The following PRIM2 variants were observed in gnomAD, a reference collection of about 807,000 sequenced individuals.
The protein encoded by PRIM2 is DNA primase subunit 2.
A neutral mutation model predicts 67.3 loss-of-function variants in PRIM2; 39 were observed. The observed-to-expected ratio is 0.58, with a 90% confidence interval of 0.45 to 0.76. PRIM2 has a LOEUF of 0.76. PRIM2 is among the 30% of genes least tolerant of loss of function. The pLI, the probability that PRIM2 is intolerant of heterozygous loss-of-function variation, is 0.00. For missense variants in PRIM2, 398 were observed against 598.7 expected (o/e 0.66, Z 3.50); for synonymous variants, 143 against 198.7 (o/e 0.72, Z 2.36).
intron 7 of PRIM2, among the ~76,000 whole-genome samples, chr6:57,451,209 C>T (rs34638291): frequency 7.9e-5 from 12 of 152,230 alleles, no homozygotes; most frequent in South Asian, 2.1e-4. Context: ...GGTGTCACCT[C>T]GGCTCAATGC....
At chr6:57,272,954 C>T in the PRIM2 span, among the ~76,000 whole-genome samples, 1 of 152,126 alleles carries the variant, frequency 6.6e-6, no homozygotes, top group Non-Finnish European at 1.5e-5. Flanking sequence ...AAATATTGGC[C>T]CCTACTCTCT....
At chr6:57,558,509 A>G (rs1775562290) in intron 10 of PRIM2, among the ~76,000 whole-genome samples, 2 of 152,116 alleles carry the variant, frequency 1.3e-5, no homozygotes, top group South Asian at 4.2e-4. Context: ...GTTTGGCTAA[A>G]CACATAGAAC....
At chr6:57,270,796 T>C in the PRIM2 span, among the ~76,000 whole-genome samples, 20 of 152,222 alleles carry the variant, frequency 1.3e-4, no homozygotes, top group East Asian at 3.1e-3. Flanking sequence ...TTTTGAGATA[T>C]GTCCCATCAA....
chr6:57,596,787 T>C (rs1156542490), intron 10 of PRIM2, among the ~76,000 whole-genome samples: 1 of 151,742 alleles, frequency 6.6e-6, no homozygotes, highest in Non-Finnish European at 1.5e-5. Flanking sequence ...TTATTATCTT[T>C]TAATGTATCC....
the PRIM2 span, among the ~76,000 whole-genome samples, chr6:57,268,927 T>C: frequency 6.6e-6 from 1 of 151,846 alleles, no homozygotes; most frequent in African/African-American, 2.4e-5. Flanking sequence ...AATGATAATT[T>C]CCAATTTCAT....
chr6:57,277,003 G>A, the PRIM2 span, among the ~76,000 whole-genome samples: 1 of 152,066 alleles, frequency 6.6e-6, no homozygotes. Context: ...AGAGGAAGAG[G>A]AGAAGAGGAA....
At chr6:57,500,982 G>C (rs1479256161) in intron 7 of PRIM2, among the ~76,000 whole-genome samples, 10 of 152,176 alleles carry the variant, frequency 6.6e-5, no homozygotes, top group South Asian at 2.1e-4. Context: ...TGAATCCAAG[G>C]AAAGGATGAG....
chr6:57,453,654 C>T (rs199940676), intron 7 of PRIM2, among the ~76,000 whole-genome samples: 3 of 152,034 alleles, frequency 2.0e-5, no homozygotes, highest in South Asian at 4.1e-4. Flanking sequence ...GAGACTTTGC[C>T]GAAGTTGCCT....
the PRIM2 span, among the ~76,000 whole-genome samples, chr6:57,308,964 A>T: frequency 4.1e-5 from 6 of 147,688 alleles, no homozygotes; most frequent in African/African-American, 1.5e-4. Flanking sequence ...TTTATTGATC[A>T]TTCTTGGGTG....
At chr6:57,270,848 A>T in the PRIM2 span, among the ~76,000 whole-genome samples, 1 of 152,102 alleles carries the variant, frequency 6.6e-6, no homozygotes, top group African/African-American at 2.4e-5. Flanking sequence ...GCGTTGTTGA[A>T]TTTTATCAAA....
At position 57,350,205 on chromosome 6, in the gene PRIM2, T is replaced by C. The variant is rs562832269; in HGVS notation, c.459+24160T>C. ...CTTGGAGAGTTCTTCATAGAACATG[T>C]AGTGAAGGTGCCTTTTTTTCTGAGC... On this transcript the variant is annotated intron_variant, in intron 5 of 13. Coordinates refer to ENST00000615550, the MANE Select transcript of PRIM2 (RefSeq NM_000947.5). 3.1e-4 allele frequency among the ~76,000 whole-genome samples: 47 copies of C among 152,292 alleles called. 1 individual carries two copies. In the East Asian group the frequency reaches 6.7e-3, roughly 22 times the overall value.
intron 7 of PRIM2, among the ~76,000 whole-genome samples, chr6:57,472,261 C>T (rs1463058366): frequency 1.3e-5 from 2 of 152,160 alleles, no homozygotes; most frequent in East Asian, 3.9e-4. Flanking sequence ...GAAACCCCGT[C>T]TCTACTAAAA....
intron 7 of PRIM2, among the ~76,000 whole-genome samples, chr6:57,387,354 T>C (rs1319320752): frequency 1.3e-5 from 2 of 152,176 alleles, no homozygotes; most frequent in Non-Finnish European, 2.9e-5. Flanking sequence ...TGTTTATACA[T>C]ACTGTTAATC....
At chr6:57,339,068 A>C (rs1330989736) in intron 5 of PRIM2, among the ~76,000 whole-genome samples, 1 of 152,026 alleles carries the variant, frequency 6.6e-6, no homozygotes, top group Non-Finnish European at 1.5e-5. Flanking sequence ...ACAACAGACA[A>C]ACAGAGAGCC....
intron 12 of PRIM2, among the ~76,000 whole-genome samples, chr6:57,617,315 G>A (rs1465425496): frequency 6.6e-6 from 1 of 152,070 alleles, no homozygotes; most frequent in Non-Finnish European, 1.5e-5. Context: ...TTGGATTAGG[G>A]CTTACCTTAA....
the PRIM2 span, among the ~76,000 whole-genome samples, chr6:57,248,741 C>T: frequency 6.6e-6 from 1 of 152,100 alleles, no homozygotes; most frequent in Non-Finnish European, 1.5e-5. Context: ...TTTCAACTTC[C>T]CCTCGGAAAA....
chr6:57,238,137 A>G, the PRIM2 span, among the ~76,000 whole-genome samples: 3 of 152,228 alleles, frequency 2.0e-5, no homozygotes, highest in Admixed American at 2.0e-4. Flanking sequence ...CCCCACTGTC[A>G]ACATTAGACA....
At chr6:57,645,860 G>A in intron 13 of PRIM2, 68 bp from the exon 14 acceptor site, 2 of 843,612 alleles carry the variant, frequency 2.4e-6, no homozygotes, top group Non-Finnish European at 3.7e-6. Flanking sequence ...TACTAAAACA[G>A]CTTTTGAAAC....
chr6:57,279,819 T>G, the PRIM2 span, among the ~76,000 whole-genome samples: 2 of 152,074 alleles, frequency 1.3e-5, no homozygotes, highest in Non-Finnish European at 2.9e-5. Context: ...TATGGTACTA[T>G]GGTAGCATGG....
Sources: allele counts gnomAD v4.1 joint callset (sites outside exome capture counted in the v4.1 genomes callset), GRCh38; gene constraint gnomAD v4.1.1; transcripts MANE v1.5; gene names NCBI Gene and HGNC (gene_info 2026-07-23, HGNC 2026-07-21).